LARP1B: variants seen among roughly 807,000 people sequenced by gnomAD.
LARP1B encodes la-related protein 1B.
LARP1B carries 76 observed loss-of-function variants against 114.2 expected under a neutral mutation model. The observed-to-expected ratio is 0.67, with a 90% CI of 0.55 to 0.81. LARP1B has a LOEUF of 0.81. Among genes scored for constraint, LARP1B ranks in the 30% least tolerant of loss-of-function variants. The pLI, the probability that LARP1B is intolerant of heterozygous loss-of-function variation, is 0.00. For missense variants in LARP1B, 1,014 were observed against 1,075.8 expected, an observed-to-expected ratio of 0.94 and a Z score of 0.80; for synonymous variants, 345 against 348.0, an observed-to-expected ratio of 0.99 and a Z score of 0.10.
chr4:128,179,907 A>G (rs1561510017), intron 15 of LARP1B, among the ~76,000 whole-genome samples: 1 of 152,136 alleles, frequency 6.6e-6, no homozygotes, highest in African/African-American at 2.4e-5. Context: ...AAGCATTGTT[A>G]TTTTGCTTTT....
intron 19 of LARP1B, among the ~76,000 whole-genome samples, chr4:128,207,870 A>G (rs1469744199): frequency 2.0e-5 from 3 of 152,258 alleles, no homozygotes; most frequent in Admixed American, 6.5e-5. Flanking sequence ...TTTTGCTGCC[A>G]TCTTACAACG....
chr4:128,209,769 A>T, intron 19 of LARP1B, 87 bp from the exon 20 acceptor site: 1 of 1,072,948 alleles, frequency 9.3e-7, no homozygotes, highest in Non-Finnish European at 1.4e-6. Flanking sequence ...CATTTAACTT[A>T]CTTTTTTGGG....
chr4:128,211,849 T>C lies in LARP1B; in HGVS notation c.*1796T>C, dbSNP rs1578823020. 1 of 673,328 alleles carries C rather than the reference T, an allele frequency of 1.5e-6. No individual in the cohort carries two copies. The highest frequency in any genetic ancestry group is 1.3e-4 in the East Asian group (1 of 7,486). The allele number at this position is 673,328 out of a possible 1,614,324, so 41.7% of individuals were successfully genotyped here. A position where few individuals can be genotyped will look rare whatever the true frequency, so the allele number is the denominator to read the frequency against. On this transcript the variant is annotated 3_prime_UTR_variant, in exon 20 of 20. Coordinates refer to ENST00000326639, the MANE Select transcript of LARP1B (RefSeq NM_018078.4). ...TTGTATATTATAAATGAAAATACAA[T>C]AATCAGGAGTTTTGTGGTTTGTATT... is the stretch of plus-strand genomic sequence containing the variant.
At chr4:128,165,951 C>T (rs1176075803) in intron 12 of LARP1B, among the ~76,000 whole-genome samples, 1 of 152,046 alleles carries the variant, frequency 6.6e-6, no homozygotes, top group Non-Finnish European at 1.5e-5. Context: ...CTCAATAACT[C>T]CTTGTGTAAT....
chr4:128,188,788 C>T (rs1253375655), intron 15 of LARP1B, among the ~76,000 whole-genome samples: 1 of 152,022 alleles, frequency 6.6e-6, no homozygotes, highest in African/African-American at 2.4e-5. Context: ...GTTTAATTTC[C>T]ACGTTTGTGT....
chr4:128,093,468 C>T lies in LARP1B; in HGVS notation c.668+1956C>T, dbSNP rs1434297203. On this transcript the variant is annotated intron_variant, in intron 7 of 19. Transcript: ENST00000326639. Reference sequence around the variant, plus strand: ...AAAATTAGCCGGGCGCGGTGGCGGGCGCCTGTAGTCCCAGCTACTCTGGAG... The same window carrying T: ...AAAATTAGCCGGGCGCGGTGGCGGGTGCCTGTAGTCCCAGCTACTCTGGAG... 2.0e-5 allele frequency among the ~76,000 whole-genome samples: 3 copies of T among 151,672 alleles called. 1 individual carries two copies. Among genetic ancestry groups the T allele is most frequent in the African/African-American group, 4.8e-5 (2 of 41,326 alleles).
chr4:128,184,458 AT>A (rs1379478184), intron 15 of LARP1B, among the ~76,000 whole-genome samples: 1 of 152,166 alleles, frequency 6.6e-6, no homozygotes, highest in African/African-American at 2.4e-5. Flanking sequence ...AGTTGTACAT[AT>A]TTTGGGGGTG....
intron 18 of LARP1B, 29 bp downstream of exon 18, chr4:128,206,566 C>A: frequency 6.3e-7 from 1 of 1,580,486 alleles, no homozygotes; most frequent in Non-Finnish European, 8.6e-7. Context: ...AACTTGTACT[C>A]TAATTGGAAA....
intron 1 of LARP1B, among the ~76,000 whole-genome samples, chr4:128,063,535 T>G (rs1761219689): frequency 6.6e-6 from 1 of 150,510 alleles, no homozygotes. Context: ...ATCCCAGCAC[T>G]TTGGGAGGCC....
At chr4:128,200,487 T>G in intron 16 of LARP1B, 34 bp from the exon 17 acceptor site, 1 of 1,308,712 alleles carries the variant, frequency 7.6e-7, no homozygotes, top group Non-Finnish European at 1.0e-6. Flanking sequence ...AAAAGTATGT[T>G]TAATAAAATA....
chr4:128,219,825 AAATAAAT>A (rs1759857606), intron 6 of LARP1B, among the ~76,000 whole-genome samples: 1 of 151,560 alleles, frequency 6.6e-6, no homozygotes, highest in East Asian at 1.9e-4. Flanking sequence ...ATAAATAAAT[AAATAAAT>A]GGAATTAGGA....
chr4:128,087,842 G>GT (rs763690709), intron 5 of LARP1B, among the ~76,000 whole-genome samples: 93 of 152,000 alleles, frequency 6.1e-4, no homozygotes, highest in Middle Eastern at 3.4e-3. Context: ...TCATACATGT[G>GT]TGGGGGGGAG....
At chr4:128,196,968 C>T (rs1215177173) in intron 15 of LARP1B, among the ~76,000 whole-genome samples, 1 of 151,918 alleles carries the variant, frequency 6.6e-6, no homozygotes, top group Non-Finnish European at 1.5e-5. Flanking sequence ...TTATACGATC[C>T]CACTTATATG....
chr4:128,160,134 G>A (rs896962885), intron 11 of LARP1B, among the ~76,000 whole-genome samples: 1 of 152,190 alleles, frequency 6.6e-6, no homozygotes, highest in Non-Finnish European at 1.5e-5. Context: ...GTAGTCATAG[G>A]CAATATGTAA....
intron 8 of LARP1B, among the ~76,000 whole-genome samples, chr4:128,105,767 C>G (rs931976288): frequency 5.3e-5 from 8 of 152,072 alleles, no homozygotes; most frequent in African/African-American, 1.9e-4. Flanking sequence ...TAGTGGGTGC[C>G]TGTAATCCCA....
At chr4:128,204,813 CAT>C (rs941504621) in intron 17 of LARP1B, among the ~76,000 whole-genome samples, 1 of 151,720 alleles carries the variant, frequency 6.6e-6, no homozygotes, top group African/African-American at 2.4e-5. Flanking sequence ...CAAAACATGT[CAT>C]GTGCCCCATA....
rs1736336809 is a variant in LARP1B at position 128,157,426 on chromosome 4, G to GT, written c.1525-4767dup. ...TGGGGGAAGAGAGAGAGAATAAAGCGTAAGTAATATTTGAAGAGATTATGG... is the reference window on the plus strand; with the variant it reads ...TGGGGGAAGAGAGAGAGAATAAAGCGTTAAGTAATATTTGAAGAGATTATGG... On this transcript the variant is annotated intron_variant, in intron 11 of 19. Transcript: ENST00000326639. Among the ~76,000 whole-genome samples, 3 of 152,082 alleles carry GT rather than the reference G, an allele frequency of 2.0e-5. No individual in the cohort carries two copies. In the South Asian group the frequency reaches 6.2e-4, roughly 32 times the overall value.
intron 11 of LARP1B, among the ~76,000 whole-genome samples, chr4:128,157,654 C>A (rs1399920562): frequency 1.3e-5 from 2 of 151,914 alleles, no homozygotes; most frequent in Admixed American, 6.6e-5. Flanking sequence ...GGTGAGGGAA[C>A]AAAGGGATGA....
chr4:128,182,770 C>CA (rs1258398845), intron 15 of LARP1B, among the ~76,000 whole-genome samples: 1 of 152,080 alleles, frequency 6.6e-6, no homozygotes, highest in Non-Finnish European at 1.5e-5. Context: ...GTCAAACAGC[C>CA]AAAATATGAA....
Sources: allele counts gnomAD v4.1 joint callset (sites outside exome capture counted in the v4.1 genomes callset), GRCh38; gene constraint gnomAD v4.1.1; transcripts MANE v1.5; gene names NCBI Gene and HGNC (gene_info 2026-07-23, HGNC 2026-07-21).